ELOVL7: variants seen among roughly 807,000 people sequenced by gnomAD.
ELOVL7 encodes the protein ELOVL fatty acid elongase 7, also known as very long chain fatty acid elongase 7.
Under a neutral mutation model 35.7 loss-of-function variants are expected in ELOVL7, and 27 were observed. The observed-to-expected ratio is 0.76, with a 90% CI of 0.56 to 1.04. The LOEUF is 1.04. ELOVL7 is among the 50% of genes least tolerant of loss of function. The pLI is 0.00. For synonymous variants in ELOVL7, 113 were observed against 114.6 expected, an observed-to-expected ratio of 0.99 and a Z score of 0.09; for missense variants, 327 against 340.8, an observed-to-expected ratio of 0.96 and a Z score of 0.32.
intron 1 of ELOVL7, among the ~76,000 whole-genome samples, chr5:60,819,522 C>T (rs1442504338): frequency 2.0e-5 from 3 of 152,098 alleles, no homozygotes; most frequent in Non-Finnish European, 4.4e-5. Context: ...TGGCTCATGC[C>T]TGTAATCCCA....
chr5:60,776,826 T>C (rs1742931710), intron 3 of ELOVL7, among the ~76,000 whole-genome samples: 1 of 152,156 alleles, frequency 6.6e-6, no homozygotes, highest in South Asian at 2.1e-4. Context: ...TCAGACAATA[T>C]AGCCTAGTTA....
chr5:60,772,395 G>C (rs1742653375), intron 3 of ELOVL7, among the ~76,000 whole-genome samples: 1 of 152,162 alleles, frequency 6.6e-6, no homozygotes, highest in African/African-American at 2.4e-5. Context: ...AGGATACAAT[G>C]AGAAGATGGC....
At chr5:60,835,308 A>G (rs1561476744) in intron 1 of ELOVL7, among the ~76,000 whole-genome samples, 2 of 152,026 alleles carry the variant, frequency 1.3e-5, no homozygotes, top group Non-Finnish European at 2.9e-5. Context: ...TCCAGTTTTA[A>G]CTTTCTAAGT....
At chr5:60,773,612 C>T (rs13162920) in intron 3 of ELOVL7, among the ~76,000 whole-genome samples, 15,696 of 152,110 alleles carry the variant, frequency 0.1, 1,094 homozygotes, top group South Asian at 0.15. Flanking sequence ...GACTAGATCC[C>T]AGGACATTTA....
At chr5:60,827,891 A>C (rs1746263524) in intron 1 of ELOVL7, among the ~76,000 whole-genome samples, 1 of 152,016 alleles carries the variant, frequency 6.6e-6, no homozygotes, top group Non-Finnish European at 1.5e-5. Flanking sequence ...CTGCACACCC[A>C]GAATCTCTCC....
intron 3 of ELOVL7, among the ~76,000 whole-genome samples, chr5:60,772,557 G>A (rs1372319593): frequency 6.6e-6 from 1 of 152,182 alleles, no homozygotes; most frequent in Non-Finnish European, 1.5e-5. Context: ...AGTATGCTAA[G>A]ACAAGTTTTG....
intron 7 of ELOVL7, among the ~76,000 whole-genome samples, chr5:60,762,933 A>G (rs75850725): frequency 6.6e-6 from 1 of 152,326 alleles, no homozygotes; most frequent in East Asian, 1.9e-4. Context: ...ATAAGTGTCA[A>G]TGTATATCAC....
chr5:60,837,230 C>G (rs1362952365), intron 1 of ELOVL7, among the ~76,000 whole-genome samples: 1 of 146,920 alleles, frequency 6.8e-6, no homozygotes, highest in Non-Finnish European at 1.5e-5. Context: ...GGTCGGGAGT[C>G]GAGACCAGCC....
intron 3 of ELOVL7, chr5:60,785,858 T>C (rs1201073235): frequency 6.6e-6 from 1 of 152,222 alleles, no homozygotes; most frequent in Admixed American, 6.5e-5. Flanking sequence ...GAAAAACTGT[T>C]GGGAACACTT....
At chr5:60,824,730 G>T (rs1746074047) in intron 1 of ELOVL7, among the ~76,000 whole-genome samples, 1 of 152,206 alleles carries the variant, frequency 6.6e-6, no homozygotes, top group Admixed American at 6.5e-5. Context: ...TGCTGCAGTA[G>T]CCTCTAAGCT....
intron 2 of ELOVL7, among the ~76,000 whole-genome samples, chr5:60,788,131 T>A (rs2112241304): frequency 2.0e-5 from 3 of 152,324 alleles, no homozygotes; most frequent in Admixed American, 2.0e-4. Flanking sequence ...TAGATTAGAA[T>A]GTTCAGAAAT....
At chr5:60,793,540 A>G (rs1744067626) in intron 2 of ELOVL7, among the ~76,000 whole-genome samples, 1 of 152,146 alleles carries the variant, frequency 6.6e-6, no homozygotes, top group Non-Finnish European at 1.5e-5. Flanking sequence ...AATCTGACAG[A>G]CTCCTGATAC....
intron 2 of ELOVL7, among the ~76,000 whole-genome samples, chr5:60,794,957 G>A (rs1023971835): frequency 2.6e-5 from 4 of 152,346 alleles, no homozygotes; most frequent in South Asian, 2.1e-4. Context: ...ATGGGGGATG[G>A]GGTGTTTGAA....
rs150354026 is a variant in ELOVL7, at chr5:60,776,649, T to C, written c.65-4556A>G. Reference sequence around the variant, plus strand: ...AAACCAAATGCTACATGTTCTCACTTATAAGTGGGAGCTAAGTCTTGGGTA... The same window carrying C: ...AAACCAAATGCTACATGTTCTCACTCATAAGTGGGAGCTAAGTCTTGGGTA... On this transcript the variant is annotated intron_variant, in intron 3 of 8. Coordinates refer to ENST00000508821, the MANE Select transcript of ELOVL7 (RefSeq NM_024930.3). Among the ~76,000 whole-genome samples, 219 of 152,276 alleles carry C rather than the reference T, an allele frequency of 1.4e-3. 1 individual carries two copies. Among genetic ancestry groups the C allele is most frequent in the African/African-American group, 5.1e-3 (213 of 41,550 alleles).
intron 1 of ELOVL7, among the ~76,000 whole-genome samples, chr5:60,809,817 T>G (rs1326086640): frequency 2.0e-5 from 3 of 152,178 alleles, no homozygotes; most frequent in Non-Finnish European, 4.4e-5. Flanking sequence ...TCCTAATTTT[T>G]TTTTCTCCAG....
chr5:60,799,805 A>C (rs1280523867), intron 1 of ELOVL7, among the ~76,000 whole-genome samples: 4 of 152,188 alleles, frequency 2.6e-5, no homozygotes, highest in Non-Finnish European at 4.4e-5. Context: ...TGGGAGGCTG[A>C]GGCGGGCGGA....
intron 2 of ELOVL7, among the ~76,000 whole-genome samples, chr5:60,790,509 T>A (rs1281390304): frequency 2.0e-5 from 3 of 152,188 alleles, no homozygotes; most frequent in African/African-American, 7.2e-5. Context: ...CCAGAGGATT[T>A]CTCCAAGTCC....
chr5:60,783,338 G>A lies in ELOVL7; in HGVS notation c.64+3996C>T, dbSNP rs78655735. Among the ~76,000 whole-genome samples, 541 of 152,224 alleles carry A rather than the reference G, an allele frequency of 3.6e-3. 2 individuals are homozygous for A. The highest frequency in any genetic ancestry group is 5.8e-3 in the Non-Finnish European group (396 of 68,016). On this transcript the variant is annotated intron_variant, in intron 3 of 8. Coordinates refer to ENST00000508821, the MANE Select transcript of ELOVL7 (RefSeq NM_024930.3). ...CTCTCCCTTACTGAGAAATAAAATT[G>A]CTTAAATTAGCTCTCCCTTACTGAG...
At chr5:60,780,795 A>G (rs997908541) in intron 3 of ELOVL7, among the ~76,000 whole-genome samples, 2 of 152,110 alleles carry the variant, frequency 1.3e-5, no homozygotes, top group African/African-American at 2.4e-5. Flanking sequence ...AACTGCGCCC[A>G]TGATTCAGTT....
Sources: gnomAD v4.1 joint callset for allele counts (sites outside exome capture counted in the v4.1 genomes callset) on GRCh38, gnomAD v4.1.1 for gene constraint, MANE v1.5 for transcripts, NCBI Gene and HGNC (gene_info 2026-07-23, HGNC 2026-07-21) for gene names.